Variants in EMSY observed in about 807,000 individuals in gnomAD.
EMSY encodes the protein BRCA2-interacting transcriptional repressor EMSY.
In EMSY, 26 loss-of-function variants were observed where a neutral mutation model predicts 134.6. The ratio of observed to expected loss-of-function variants is 0.19; its 90% CI spans 0.14 to 0.27. EMSY has a LOEUF of 0.27. EMSY is among the 10% of genes least tolerant of loss of function. EMSY has a pLI of 1.00. For synonymous variants in EMSY, 579 were observed against 577.8 expected, an observed-to-expected ratio of 1.00 and a Z score of -0.03; for missense variants, 1,305 against 1,611.4, an observed-to-expected ratio of 0.81 and a Z score of 3.26.
At chr11:76,526,419 A>G (rs745503437) in intron 12 of EMSY, 43 bp from the exon 14 acceptor site, 6 of 1,434,812 alleles carry the variant, frequency 4.2e-6, no homozygotes, top group Non-Finnish European at 5.6e-6. Context: ...TTTATCATTT[A>G]TATGCATATA....
intron 12 of EMSY, 149 bp from the exon 14 acceptor site, chr11:76,526,313 T>C (rs1308236100): frequency 7.8e-6 from 4 of 515,268 alleles, no homozygotes; most frequent in African/African-American, 5.9e-5. Flanking sequence ...AAGTCTACGA[T>C]TTTTGATTTC....
At chr11:76,450,838 G>C (rs1947634830) in intron 2 of EMSY, among the ~76,000 whole-genome samples, 1 of 146,466 alleles carries the variant, frequency 6.8e-6, no homozygotes, top group South Asian at 2.2e-4. Flanking sequence ...CAGTTGCCCA[G>C]GCTGGAGTGC....
intron 5 of EMSY, chr11:76,459,682 A>G (rs997628055): frequency 3.1e-5 from 13 of 420,558 alleles, no homozygotes; most frequent in African/African-American, 5.9e-5. Flanking sequence ...ATTTCTTTGT[A>G]ACTGTGTTTT....
intron 8 of EMSY, among the ~76,000 whole-genome samples, chr11:76,475,823 A>AG (rs1351121749): frequency 6.6e-6 from 1 of 152,190 alleles, no homozygotes; most frequent in East Asian, 1.9e-4. Context: ...ACTATGGACT[A>AG]GAGACATATT....
intron 15 of EMSY, 116 bp from the exon 17 acceptor site, chr11:76,537,679 C>T (rs1951275540): frequency 2.3e-6 from 2 of 858,150 alleles, no homozygotes; most frequent in Non-Finnish European, 3.6e-6. Flanking sequence ...TCACTGTCTA[C>T]TTAGTCACTG....
chr11:76,494,198 G>C (rs761672735), intron 8 of EMSY, among the ~76,000 whole-genome samples: 1 of 152,226 alleles, frequency 6.6e-6, no homozygotes, highest in Non-Finnish European at 1.5e-5. Context: ...CCGGTAGCAC[G>C]AGCCAAGCAC....
At chr11:76,549,634 C>T (rs1262634709) in intron 20 of EMSY, among the ~76,000 whole-genome samples, 1 of 152,182 alleles carries the variant, frequency 6.6e-6, no homozygotes, top group Admixed American at 6.5e-5. Flanking sequence ...TTCAGTTGTA[C>T]AAGATTTGGA....
intron 9 of EMSY, among the ~76,000 whole-genome samples, chr11:76,509,758 T>G (rs2136061616): frequency 6.6e-6 from 1 of 152,352 alleles, no homozygotes; most frequent in African/African-American, 2.4e-5. Flanking sequence ...CTTGTATTTG[T>G]GGAGACTCTG....
At chr11:76,463,375 G>A (rs1421028924) in intron 6 of EMSY, among the ~76,000 whole-genome samples, 1 of 151,374 alleles carries the variant, frequency 6.6e-6, no homozygotes, top group East Asian at 2.0e-4. Flanking sequence ...TGTAATCCCA[G>A]CACTTTGGGA....
chr11:76,482,920 C>T (rs548868840), intron 8 of EMSY, among the ~76,000 whole-genome samples: 101 of 152,184 alleles, frequency 6.6e-4, no homozygotes, highest in African/African-American at 2.3e-3. Context: ...AGATACTCCT[C>T]GAGAAGAGCA....
chr11:76,523,252 C>A (rs769006493), exon 12 of EMSY: 1 of 1,613,570 alleles, frequency 6.2e-7, no homozygotes, highest in Non-Finnish European at 8.5e-7. Flanking sequence ...TTCAAGGCCT[C>A]CCGGGCAAAA....
chr11:76,506,351 A>G (rs1950075744), intron 9 of EMSY, among the ~76,000 whole-genome samples: 1 of 152,236 alleles, frequency 6.6e-6, no homozygotes, highest in Non-Finnish European at 1.5e-5. Flanking sequence ...ATAAACTGTG[A>G]TGGAAAATCT....
chr11:76,544,427 G>A lies in EMSY; in HGVS notation c.2878G>A (p.Glu960Lys), dbSNP rs780179437. The A allele has an allele frequency of 4.3e-6, 7 of 1,613,822 alleles. No homozygotes were observed. The East Asian group carries it at 1.6e-4, about 36-fold the overall frequency. ...GCAGAAACTTAGCCAGCCCCCGCTG[G>A]AACAGACTCAGCTGCAAGTGAAAAC... Residue 960 changes from glutamate to lysine, a missense_variant, in exon 19 of 21, where the codon GAA becomes AAA. By Grantham distance (56) the Glu-to-Lys change is moderately conservative (BLOSUM62 1). Around this residue, in one of 7 missense-constraint regions of EMSY, gnomAD observed 664 missense variants for 763.9 expected, o/e 0.87. Coordinates refer to ENST00000334736, the Ensembl canonical transcript of EMSY.
chr11:76,544,950 G>A (rs957182409), intron 19 of EMSY, 128 bp downstream of exon 20: 11 of 1,010,700 alleles, frequency 1.1e-5, no homozygotes, highest in African/African-American at 6.5e-5. Context: ...GCCTCATTAC[G>A]CTGGTATTAC....
chr11:76,522,352 C>CTTTTTTTT lies in EMSY; in HGVS notation c.1685-780_1685-773dup, dbSNP rs71040003. 2.1e-3 allele frequency among the ~76,000 whole-genome samples: 91 copies of CTTTTTTTT among 44,250 alleles called. 7 individuals are homozygous for CTTTTTTTT. Among genetic ancestry groups the CTTTTTTTT allele is most frequent in the Non-Finnish European group, 2.2e-3 (58 of 26,568 alleles). 29.0% of individuals were successfully genotyped at this position (44,250 alleles called of 152,430 possible). On this transcript the variant is annotated intron_variant, in intron 11 of 20. Transcript: ENST00000334736. Reference sequence around the variant, plus strand: ...CTTGTTTTGTATATCGTTTACTTTGCTTTTTTTTTTTTTTTTTTTTTTTTT... The same window carrying CTTTTTTTT: ...CTTGTTTTGTATATCGTTTACTTTGCTTTTTTTTTTTTTTTTTTTTTTTTTTTTTTTTT...
chr11:76,528,158 G>A (rs903194178), intron 13 of EMSY, 110 bp from the exon 15 acceptor site: 25 of 925,800 alleles, frequency 2.7e-5, no homozygotes, highest in Middle Eastern at 5.7e-4. Flanking sequence ...AAAGTATAAC[G>A]TACAGAATAG....
chr11:76,478,541 C>G (rs1948854756), intron 8 of EMSY, among the ~76,000 whole-genome samples: 1 of 151,722 alleles, frequency 6.6e-6, no homozygotes, highest in Non-Finnish European at 1.5e-5. Context: ...AGGGGTTTCA[C>G]CATCTTGGTC....
intron 7 of EMSY, among the ~76,000 whole-genome samples, chr11:76,471,899 C>T (rs1948584484): frequency 6.6e-6 from 1 of 152,170 alleles, no homozygotes; most frequent in South Asian, 2.1e-4. Flanking sequence ...GTATTTACTG[C>T]TCCCTGTGCT....
chr11:76,446,267 G>A (rs568821038), intron 1 of EMSY, among the ~76,000 whole-genome samples: 1 of 150,108 alleles, frequency 6.7e-6, no homozygotes, highest in Non-Finnish European at 1.5e-5. Context: ...ATAACTACAG[G>A]ATCAAAATTC....
Sources: allele counts gnomAD v4.1 joint callset (sites outside exome capture counted in the v4.1 genomes callset), GRCh38; gene constraint gnomAD v4.1.1; regional missense constraint gnomAD v4.1.1; transcripts MANE v1.5; gene names NCBI Gene and HGNC (gene_info 2026-07-23, HGNC 2026-07-21).